Variants in ERBB4 observed in about 807,000 individuals in gnomAD.
ERBB4 encodes receptor tyrosine-protein kinase erbB-4.
Under a neutral mutation model 158.0 loss-of-function variants are expected in ERBB4, and 42 were observed. The observed-to-expected ratio is 0.27, with a 90% confidence interval of 0.21 to 0.34. ERBB4 has a LOEUF of 0.34. ERBB4 is among the 10% of genes least tolerant of loss of function. The pLI is 1.00. For synonymous variants in ERBB4, 583 were observed against 558.7 expected, an observed-to-expected ratio of 1.04 and a Z score of -0.61; for missense variants, 1,333 against 1,624.1, an observed-to-expected ratio of 0.82 and a Z score of 3.08.
At chr2:211,432,181 C>A (rs115214691) in intron 20 of ERBB4, among the ~76,000 whole-genome samples, 1 of 152,062 alleles carries the variant, frequency 6.6e-6, no homozygotes, top group Admixed American at 6.6e-5. Context: ...ACTCTCATGC[C>A]AATTGCAAAT....
At chr2:212,248,614 C>T (rs976753991) in intron 1 of ERBB4, among the ~76,000 whole-genome samples, 19 of 152,068 alleles carry the variant, frequency 1.2e-4, no homozygotes, top group African/African-American at 4.3e-4. Flanking sequence ...ACCTAGGTCA[C>T]CACAAATTTA....
intron 5 of ERBB4, among the ~76,000 whole-genome samples, chr2:211,743,848 G>A (rs1015781471): frequency 1.3e-5 from 2 of 152,148 alleles, no homozygotes; most frequent in African/African-American, 2.4e-5. Flanking sequence ...CACATGTAAC[G>A]TAGCTCTCAG....
At chr2:211,589,772 A>G (rs1483579575) in intron 19 of ERBB4, among the ~76,000 whole-genome samples, 1 of 152,192 alleles carries the variant, frequency 6.6e-6, no homozygotes, top group Non-Finnish European at 1.5e-5. Flanking sequence ...AAAAAAAACT[A>G]TTGTAAAAAT....
chr2:212,531,017 T>C (rs764934115), intron 1 of ERBB4, among the ~76,000 whole-genome samples: 4 of 152,210 alleles, frequency 2.6e-5, no homozygotes, highest in Non-Finnish European at 5.9e-5. Flanking sequence ...TATTGGTGTT[T>C]AGTACGCTTC....
intron 3 of ERBB4, among the ~76,000 whole-genome samples, chr2:211,796,247 T>C (rs2076380049): frequency 6.6e-6 from 1 of 151,952 alleles, no homozygotes; most frequent in Non-Finnish European, 1.5e-5. Flanking sequence ...TATAGAATCA[T>C]ACCATACGTA....
chr2:212,197,304 C>A (rs1352223534), intron 1 of ERBB4, among the ~76,000 whole-genome samples: 1 of 152,132 alleles, frequency 6.6e-6, no homozygotes. Flanking sequence ...ACAAATTATT[C>A]TTAAGTCAGC....
chr2:211,661,399 TA>T (rs1313198251), intron 15 of ERBB4, among the ~76,000 whole-genome samples: 3 of 151,704 alleles, frequency 2.0e-5, no homozygotes, highest in East Asian at 1.9e-4. Context: ...AGTAGAATTA[TA>T]AAAAAAAGTG....
chr2:211,511,324 C>G (rs760104873), intron 20 of ERBB4, among the ~76,000 whole-genome samples: 4 of 151,864 alleles, frequency 2.6e-5, no homozygotes, highest in Non-Finnish European at 5.9e-5. Flanking sequence ...GATTTGACAG[C>G]AATGTCAAAA....
intron 1 of ERBB4, among the ~76,000 whole-genome samples, chr2:212,460,787 G>C (rs1688532034): frequency 6.6e-6 from 1 of 152,180 alleles, no homozygotes; most frequent in Non-Finnish European, 1.5e-5. Flanking sequence ...GCTGGCTGCA[G>C]AAATTTCCAT....
chr2:212,418,329 TTAA>T (rs2091707727), intron 1 of ERBB4, among the ~76,000 whole-genome samples: 1 of 151,894 alleles, frequency 6.6e-6, no homozygotes, highest in Non-Finnish European at 1.5e-5. Context: ...ATTCACTTAG[TTAA>T]TAACATTTTC....
Position 211,375,759 on chromosome 2 carries a change from T to G in ERBB4, c.*7856A>C, listed in dbSNP as rs998478976. ...TTATTGAATTTCATTTATATTAAAT[T>G]AAAAATATATTTCTGACAGATTCAT... On this transcript the variant is annotated 3_prime_UTR_variant, in exon 28 of 28. Transcript: ENST00000342788. 1 of 230,728 alleles carries G rather than the reference T, an allele frequency of 4.3e-6. No individual in the cohort carries two copies. The highest frequency in any genetic ancestry group is 8.6e-6 in the Non-Finnish European group (1 of 116,244). 14.3% of individuals were successfully genotyped at this position (230,728 alleles called of 1,614,324 possible).
At chr2:211,663,152 G>T (rs1463142150) in intron 15 of ERBB4, among the ~76,000 whole-genome samples, 1 of 152,202 alleles carries the variant, frequency 6.6e-6, no homozygotes, top group African/African-American at 2.4e-5. Flanking sequence ...AACTGCAATA[G>T]AATTTATATG....
intron 1 of ERBB4, among the ~76,000 whole-genome samples, chr2:212,322,223 C>T (rs1242469425): frequency 1.3e-5 from 2 of 150,354 alleles, no homozygotes; most frequent in East Asian, 3.9e-4. Context: ...ACAGAATTGG[C>T]CTGGGTTCTA....
At chr2:212,501,672 C>T (rs1690897775) in intron 1 of ERBB4, among the ~76,000 whole-genome samples, 1 of 152,162 alleles carries the variant, frequency 6.6e-6, no homozygotes, top group African/African-American at 2.4e-5. Flanking sequence ...AATAATCACT[C>T]TGCTACCTAC....
At chr2:212,180,965 T>C (rs1339194310) in intron 1 of ERBB4, among the ~76,000 whole-genome samples, 4 of 151,730 alleles carry the variant, frequency 2.6e-5, no homozygotes, top group Non-Finnish European at 5.9e-5. Flanking sequence ...TATTTTATGA[T>C]CTAGAGTCTG....
intron 2 of ERBB4, among the ~76,000 whole-genome samples, chr2:212,063,157 AG>A (rs1387104496): frequency 9.2e-5 from 14 of 152,212 alleles, no homozygotes; most frequent in Non-Finnish European, 1.8e-4. Flanking sequence ...CCAGGAAGTT[AG>A]GTATCAAATC....
intron 1 of ERBB4, among the ~76,000 whole-genome samples, chr2:212,436,876 C>A (rs1423166194): frequency 2.6e-5 from 4 of 151,914 alleles, no homozygotes; most frequent in Non-Finnish European, 5.9e-5. Flanking sequence ...GTGGGTAGAG[C>A]ACACCAGAGA....
chr2:212,260,971 T>C (rs1013355167), intron 1 of ERBB4, among the ~76,000 whole-genome samples: 1 of 152,146 alleles, frequency 6.6e-6, no homozygotes, highest in Non-Finnish European at 1.5e-5. Flanking sequence ...AAAGTATGTA[T>C]TACAGGCATA....
chr2:211,673,904 A>G (rs2071951356), intron 13 of ERBB4, among the ~76,000 whole-genome samples: 1 of 152,168 alleles, frequency 6.6e-6, no homozygotes, highest in Admixed American at 6.5e-5. Context: ...AAGTAATTCT[A>G]TAGGTATACA....
Sources: allele counts gnomAD v4.1 joint callset (sites outside exome capture counted in the v4.1 genomes callset), GRCh38; gene constraint gnomAD v4.1.1; transcripts MANE v1.5; gene names NCBI Gene and HGNC (gene_info 2026-07-23, HGNC 2026-07-21).